Variants in JAG1 observed in about 807,000 individuals in gnomAD.
The protein encoded by JAG1 is jagged canonical Notch ligand 1.
JAG1 carries 23 observed loss-of-function variants against 148.7 expected under a neutral mutation model. The ratio of observed to expected loss-of-function variants is 0.15; its 90% CI spans 0.11 to 0.22. JAG1 has a LOEUF of 0.22. JAG1 is among the 10% of genes least tolerant of loss of function. The pLI, the probability that JAG1 is intolerant of heterozygous loss-of-function variation, is 1.00. For synonymous variants in JAG1, 572 were observed against 598.3 expected, an observed-to-expected ratio of 0.96 and a Z score of 0.64; for missense variants, 1,054 against 1,611.2, an observed-to-expected ratio of 0.65 and a Z score of 5.92.
At chr20:10,662,544 A>C (rs991875679) in intron 3 of JAG1, 1 of 152,646 alleles carries the variant, frequency 6.6e-6, no homozygotes, top group Non-Finnish European at 1.5e-5. Context: ...TGTCGACACC[A>C]TACTATTACA....
chr20:10,649,243 A>G, intron 10 of JAG1, 136 bp from the exon 11 acceptor site: 1 of 704,168 alleles, frequency 1.4e-6, no homozygotes, highest in South Asian at 1.7e-5. Context: ...TAAGGTTATT[A>G]CGCTGGGTGG....
intron 2 of JAG1, among the ~76,000 whole-genome samples, chr20:10,670,116 T>G (rs2067485760): frequency 6.6e-6 from 1 of 152,200 alleles, no homozygotes; most frequent in African/African-American, 2.4e-5. Flanking sequence ...TACAAAGCCT[T>G]TCACATGCAC....
chr20:10,655,417 G>A (rs1600187309), intron 5 of JAG1, among the ~76,000 whole-genome samples: 2 of 152,126 alleles, frequency 1.3e-5, no homozygotes, highest in South Asian at 2.1e-4. Context: ...AGGTCTGGGG[G>A]CAGTGATTGC....
In JAG1 at chr20:10,672,695, A is replaced by G; in HGVS notation, c.387+6T>C. The G allele has an allele frequency of 1.2e-6, 2 of 1,612,222 alleles. No homozygotes were observed. The highest frequency in any genetic ancestry group is 1.7e-6 in the Non-Finnish European group (2 of 1,179,896). On this transcript the variant is annotated splice_donor_region_variant and intron_variant, in intron 2 of 25. Transcript: ENST00000254958. ...CGCCCGGCCTCCTTCCCGAGTAGTC[A>G]CTCACCGGCCAGGCGAAACTGAAAG...
Position 10,645,417 on chromosome 20 carries a change from G to A in JAG1, c.2052C>T (p.Asp684=). 6.2e-7 allele frequency: 1 copy of A among 1,613,780 alleles called. No homozygotes were observed. Among genetic ancestry groups the A allele is most frequent in the Non-Finnish European group, 8.5e-7 (1 of 1,180,000 alleles). The change falls in exon 16 of 26, where the codon GAC becomes GAT. Residue 684 remains aspartate, a synonymous_variant. Transcript: ENST00000254958. This position sits in a 1 kb window ranked among gnomAD's most constrained non-coding sequence, Gnocchi z 6.1. Reference sequence around the variant, plus strand: ...AGTCACAGTAGAAGTCATTGACCAGGTCGCGACACGTGCCCCCATTGTGGC... The same window carrying A: ...AGTCACAGTAGAAGTCATTGACCAGATCGCGACACGTGCCCCCATTGTGGC... The part of the protein sequence containing the change: ...NPCHNGGTCR[D]LVNDFYCDCK...
rs575840031 is a variant in JAG1 at position 10,647,977 on chromosome 20, C to A, written c.1703G>T (p.Arg568Leu). ...GGAGGTACCTTCACAGGGGGTCGTG[C>A]GGCAGTGGTCTTTCAGGTGTGAGCA... is the stretch of plus-strand genomic sequence containing the variant. ...KNCSHLKDHC[R>L]TTPCEVIDSC... is the part of the protein sequence containing the mutation. Residue 568 changes from arginine to leucine, a missense_variant, in exon 13 of 26, where the codon CGC becomes CTC. Arg to Leu is a moderately radical substitution (Grantham distance 102). Around this residue, in one of 6 missense-constraint regions of JAG1, gnomAD observed 245 missense variants for 373.1 expected, o/e 0.66. Coordinates refer to ENST00000254958, the MANE Select transcript of JAG1 (RefSeq NM_000214.3). 3 of 1,614,130 alleles carry A rather than the reference C, an allele frequency of 1.9e-6. No individual in the cohort carries two copies. The highest frequency in any genetic ancestry group is 2.5e-6 in the Non-Finnish European group (3 of 1,180,026).
chr20:10,643,268 A>G (rs1826655301), intron 20 of JAG1, among the ~76,000 whole-genome samples: 1 of 152,226 alleles, frequency 6.6e-6, no homozygotes, highest in South Asian at 2.1e-4. Context: ...AAAAAAGTAG[A>G]GAAAAGGCTC....
rs56122797 is a variant in JAG1 at position 10,669,547 on chromosome 20, C to CAAAAAAAAAAAAAA, written c.387+3140_387+3153dup. Among the ~76,000 whole-genome samples, 44 of 44,190 alleles carry CAAAAAAAAAAAAAA rather than the reference C, an allele frequency of 1.0e-3. 15 individuals carry two copies. The highest frequency in any genetic ancestry group is 1.5e-3 in the Non-Finnish European group (34 of 22,450). 29.0% of individuals were successfully genotyped at this position (44,190 alleles called of 152,430 possible). On this transcript the variant is annotated intron_variant, in intron 2 of 25. Coordinates refer to ENST00000254958, the MANE Select transcript of JAG1 (RefSeq NM_000214.3). ...AAGAATCACGTTTCATTGGATTTTC[C>CAAAAAAAAAAAAAA]AAAAAAAAAAAAAAAAAAAAAAAAA...
intron 2 of JAG1, among the ~76,000 whole-genome samples, chr20:10,666,650 C>T (rs562841360): frequency 6.6e-6 from 1 of 152,310 alleles, no homozygotes; most frequent in Non-Finnish European, 1.5e-5. Flanking sequence ...ACTGTGAAGG[C>T]CACACAGGAA....
At chr20:10,652,080 T>C in intron 7 of JAG1, 51 bp downstream of exon 7, 4 of 1,606,964 alleles carry the variant, frequency 2.5e-6, no homozygotes, top group South Asian at 1.1e-5. Flanking sequence ...TTTTAAAAGC[T>C]GAGTACAGAA....
At chr20:10,650,547 C>G in intron 8 of JAG1, 187 bp from the exon 9 acceptor site, 1 of 589,458 alleles carries the variant, frequency 1.7e-6, no homozygotes, top group Middle Eastern at 4.6e-4. Flanking sequence ...CTTTAAATCC[C>G]CCACTGCCCC....
intron 3 of JAG1, among the ~76,000 whole-genome samples, chr20:10,659,593 TGTTA>T (rs2067402496): frequency 7.2e-6 from 1 of 139,688 alleles, no homozygotes; most frequent in African/African-American, 2.7e-5. Context: ...TTTTTACAAT[TGTTA>T]ACATGGCAAC....
intron 5 of JAG1, among the ~76,000 whole-genome samples, chr20:10,653,276 G>GA (rs534278818): frequency 1.9e-4 from 26 of 139,068 alleles, no homozygotes; most frequent in Admixed American, 2.9e-4. Context: ...GCCAAGAAAA[G>GA]AAAAAAAAAA....
Position 10,673,110 on chromosome 20 carries a change from G to A in JAG1, c.82-104C>T, listed in dbSNP as rs1280085314. 1.9e-6 allele frequency: 2 copies of A among 1,065,896 alleles called. No homozygotes were observed. The highest frequency in any genetic ancestry group is 2.5e-5 in the East Asian group (1 of 39,772). The allele number at this position is 1,065,896 out of a possible 1,614,324, so 66.0% of individuals were successfully genotyped here. On this transcript the variant is annotated intron_variant, in intron 1 of 25. Coordinates refer to ENST00000254958, the MANE Select transcript of JAG1 (RefSeq NM_000214.3). The surrounding 1 kb of genome is among the most constrained non-coding windows in gnomAD (Gnocchi z 4.7). ...CTCCCCGCCCCGACGAGCCCTCCTCGCCGAGTGAAAATAATTTTGCGAAAC... is the reference window on the plus strand; with the variant it reads ...CTCCCCGCCCCGACGAGCCCTCCTCACCGAGTGAAAATAATTTTGCGAAAC...
At chr20:10,662,708 C>T (rs1365052524) in intron 3 of JAG1, among the ~76,000 whole-genome samples, 4 of 152,166 alleles carry the variant, frequency 2.6e-5, no homozygotes, top group African/African-American at 9.7e-5. Flanking sequence ...TGGCATCAGC[C>T]ATAGCCAAGG....
At position 10,652,535 on chromosome 20, in the gene JAG1, G is replaced by A. The variant is rs368502056; in HGVS notation, c.819C>T (p.His273=). The part of the protein sequence containing the change: ...DKCIPHPGCV[H]GICNEPWQCL... ...ACTGCCAGGGCTCATTACAGATGCC[G>A]TGGACGCATCCCGGGTGTGGGATGC... The change falls in exon 6 of 26, where the codon CAC becomes CAT. Residue 273 remains histidine (H), a synonymous_variant. Coordinates refer to ENST00000254958, the MANE Select transcript of JAG1 (RefSeq NM_000214.3). 2.7e-5 allele frequency: 43 copies of A among 1,613,730 alleles called. No individual in the cohort carries two copies. The highest frequency in any genetic ancestry group is 8.3e-5 in the Admixed American group (5 of 60,008).
Position 10,655,007 on chromosome 20 carries a change from T to C in JAG1, c.755+1391A>G, listed in dbSNP as rs564149309. ...GGAAGAGTTAAGGTAGGTGGATTCC[T>C]GCTCCGCATTGGACAGCAATGCTGT... On this transcript the variant is annotated intron_variant, in intron 5 of 25. Transcript: ENST00000254958. 4.1e-3 allele frequency among the ~76,000 whole-genome samples: 623 copies of C among 152,334 alleles called. 12 individuals are homozygous for C. The highest frequency in any genetic ancestry group is 0.024 in the Middle Eastern group (7 of 294).
chr20:10,666,123 G>T (rs1725291661), intron 2 of JAG1, among the ~76,000 whole-genome samples: 1 of 152,052 alleles, frequency 6.6e-6, no homozygotes, highest in Non-Finnish European at 1.5e-5. Context: ...TTTCAGGGAG[G>T]GGATTAGGGT....
chr20:10,665,498 T>C (rs1043075634), intron 2 of JAG1, among the ~76,000 whole-genome samples: 1 of 152,252 alleles, frequency 6.6e-6, no homozygotes, highest in African/African-American at 2.4e-5. Context: ...GCGAAAGTTA[T>C]ACCTTATTTA....
Sources: gnomAD v4.1 joint callset for allele counts (sites outside exome capture counted in the v4.1 genomes callset) on GRCh38, gnomAD v4.1.1 for gene constraint, gnomAD v4.1.1 regional missense constraint, Gnocchi (gnomAD v3.1) non-coding constraint, MANE v1.5 for transcripts, NCBI Gene and HGNC (gene_info 2026-07-23, HGNC 2026-07-21) for gene names.